COL4A2: variants seen among roughly 807,000 people sequenced by gnomAD.
The protein encoded by COL4A2 is collagen type IV alpha 2 chain.
In COL4A2, 99 loss-of-function variants were observed where a neutral mutation model predicts 200.2. That is an observed-to-expected ratio of 0.49 (90% CI 0.42 to 0.58). COL4A2 has a LOEUF of 0.58. Ranked by LOEUF, COL4A2 falls within the 20% of genes least tolerant of loss-of-function variation. The pLI is 0.00. For synonymous variants in COL4A2, 897 were observed against 900.6 expected, an observed-to-expected ratio of 1.00 and a Z score of 0.07; for missense variants, 1,950 against 2,314.1, an observed-to-expected ratio of 0.84 and a Z score of 3.23.
intron 4 of COL4A2, among the ~76,000 whole-genome samples, chr13:110,418,048 G>A (rs1880111662): frequency 6.6e-6 from 1 of 152,004 alleles, no homozygotes; most frequent in Non-Finnish European, 1.5e-5. Flanking sequence ...AGCTCTTGGC[G>A]TGGCCACCTT....
intron 3 of COL4A2, among the ~76,000 whole-genome samples, chr13:110,332,920 A>G (rs549517151): frequency 1.3e-5 from 2 of 152,320 alleles, no homozygotes; most frequent in South Asian, 4.1e-4. Flanking sequence ...CAGAAGCCCA[A>G]ATTCCCATGG....
intron 4 of COL4A2, among the ~76,000 whole-genome samples, chr13:110,402,339 A>T (rs1346593422): frequency 6.6e-6 from 1 of 152,218 alleles, no homozygotes; most frequent in African/African-American, 2.4e-5. Flanking sequence ...AAAGGGAGAA[A>T]CAGGAAAGAC....
At chr13:110,322,928 C>G (rs929779476) in intron 3 of COL4A2, among the ~76,000 whole-genome samples, 1 of 152,212 alleles carries the variant, frequency 6.6e-6, no homozygotes, top group African/African-American at 2.4e-5. Flanking sequence ...TGAGGCCGCC[C>G]GAGTCAGGTC....
chr13:110,383,612 T>C (rs1772504181), intron 4 of COL4A2, among the ~76,000 whole-genome samples: 1 of 133,518 alleles, frequency 7.5e-6, no homozygotes, highest in Non-Finnish European at 1.6e-5. Context: ...TTTTCTTTTT[T>C]TTTTTTTTTT....
intron 24 of COL4A2, among the ~76,000 whole-genome samples, chr13:110,464,425 C>T (rs1882151828): frequency 6.6e-6 from 1 of 152,204 alleles, no homozygotes; most frequent in Non-Finnish European, 1.5e-5. Context: ...ACTCGTGATC[C>T]TGCCTGTGCC....
At chr13:110,354,269 G>A (rs1352376540) in intron 3 of COL4A2, among the ~76,000 whole-genome samples, 1 of 152,268 alleles carries the variant, frequency 6.6e-6, no homozygotes, top group Admixed American at 6.5e-5. Flanking sequence ...TCTGCCAAGC[G>A]CCTGTTCATG....
chr13:110,397,783 TG>T, intron 4 of COL4A2, among the ~76,000 whole-genome samples: 1 of 152,290 alleles, frequency 6.6e-6, no homozygotes, highest in Non-Finnish European at 1.5e-5. Flanking sequence ...GCTCTGTGTT[TG>T]GGGGCTGTGA....
Position 110,472,760 on chromosome 13 carries a change from G to A in COL4A2, c.2204-169G>A, listed in dbSNP as rs76409790. On this transcript the variant is annotated intron_variant, in intron 28 of 47. Coordinates refer to ENST00000360467, the MANE Select transcript of COL4A2 (RefSeq NM_001846.4). ...AACATAACCAACAGAACGACATGGC[G>A]AAGGTTGTAGGTTCCAAAAAGGGCG... 5.4e-3 allele frequency among the ~76,000 whole-genome samples: 818 copies of A among 152,240 alleles called. 5 individuals are homozygous for A. Among genetic ancestry groups the A allele is most frequent in the African/African-American group, 0.016 (675 of 41,542 alleles).
intron 38 of COL4A2, among the ~76,000 whole-genome samples, chr13:110,492,595 C>G (rs1258364770): frequency 6.6e-6 from 1 of 152,236 alleles, no homozygotes; most frequent in East Asian, 1.9e-4. Flanking sequence ...GCCCATGTAA[C>G]AGAAGGAATT....
intron 21 of COL4A2, among the ~76,000 whole-genome samples, chr13:110,458,485 C>T (rs1265266131): frequency 1.3e-5 from 2 of 152,328 alleles, no homozygotes; most frequent in South Asian, 2.1e-4. Context: ...TCACACTCCC[C>T]GCAACTCAAC....
chr13:110,439,916 G>A (rs1881058056), intron 16 of COL4A2, 83 bp downstream of exon 16: 15 of 1,535,464 alleles, frequency 9.8e-6, no homozygotes, highest in East Asian at 9.6e-5. Flanking sequence ...GGCATCTCAG[G>A]AAAGAAAATT....
At chr13:110,331,378 A>C (rs964556732) in intron 3 of COL4A2, among the ~76,000 whole-genome samples, 4 of 152,222 alleles carry the variant, frequency 2.6e-5, no homozygotes, top group Admixed American at 1.3e-4. Context: ...TGTTGGAAAG[A>C]GGGGACGAAT....
chr13:110,462,333 C>T lies in COL4A2; in HGVS notation c.1725C>T (p.Gly575=), dbSNP rs780963953. ...PGVPGMKGDD[G]SPGRDGLDGF... ...TGCCCGGGATGAAAGGTGACGATGGCAGCCCAGGCCGCGATGGGCTCGATG... is the reference window on the plus strand; with the variant it reads ...TGCCCGGGATGAAAGGTGACGATGGTAGCCCAGGCCGCGATGGGCTCGATG... The change falls in exon 24 of 48, where the codon GGC becomes GGT. Residue 575 remains glycine (G), a synonymous_variant. Transcript: ENST00000360467. The T allele has an allele frequency of 3.7e-6, 6 of 1,614,116 alleles. No individual in the cohort carries two copies. In the Admixed American group the frequency reaches 1.0e-4, roughly 27 times the overall value.
intron 6 of COL4A2, 117 bp downstream of exon 6, chr13:110,425,114 CGTG>C: frequency 8.3e-7 from 1 of 1,209,728 alleles, no homozygotes; most frequent in Admixed American, 2.0e-5. Context: ...ACATAAAACA[CGTG>C]GGGACTATAC....
chr13:110,466,897 A>T, intron 26 of COL4A2, 143 bp from the exon 27 acceptor site: 2 of 1,004,156 alleles, frequency 2.0e-6, no homozygotes, highest in Non-Finnish European at 3.0e-6. Flanking sequence ...CAGAACCAAG[A>T]TGAATTAAAT....
chr13:110,425,750 ACACACG>A lies in COL4A2; in HGVS notation c.360+764_360+769del, dbSNP rs546206339. On this transcript the variant is annotated intron_variant, in intron 6 of 47. Coordinates refer to ENST00000360467, the MANE Select transcript of COL4A2 (RefSeq NM_001846.4). ...CTGCAGAGGCAGGTTCTGTATCACC[ACACACG>A]CACACGCACAGGGAGAGAGACTCCA... Among the ~76,000 whole-genome samples, 792 of 152,294 alleles carry A rather than the reference ACACACG, an allele frequency of 5.2e-3. 4 individuals carry two copies. The highest frequency in any genetic ancestry group is 8.7e-3 in the South Asian group (42 of 4,820).
chr13:110,458,746 A>T (rs1249810529), intron 21 of COL4A2, 25 bp from the exon 22 acceptor site: 1 of 1,613,456 alleles, frequency 6.2e-7, no homozygotes. Context: ...CGGAACAAGG[A>T]GGCCCTCCTC....
chr13:110,346,669 C>T lies in COL4A2; in HGVS notation c.100-10803C>T, dbSNP rs1401101383. ...TTGTCACCTGTGCTGCCCAGCTCAA[C>T]CCGGCCCCTTTGGTCGCTGTCCTGC... On this transcript the variant is annotated intron_variant, in intron 3 of 47. Transcript: ENST00000360467. Among the ~76,000 whole-genome samples the T allele has an allele frequency of 2.6e-5, 4 of 152,210 alleles. No homozygotes were observed. In the South Asian group the frequency reaches 8.3e-4, roughly 32 times the overall value.
chr13:110,417,557 A>G (rs1461766925), intron 4 of COL4A2, among the ~76,000 whole-genome samples: 1 of 152,218 alleles, frequency 6.6e-6, no homozygotes, highest in Non-Finnish European at 1.5e-5. Flanking sequence ...TAGAACCACC[A>G]GAATCATGCT....
Sources: allele counts gnomAD v4.1 joint callset (sites outside exome capture counted in the v4.1 genomes callset), GRCh38; gene constraint gnomAD v4.1.1; transcripts MANE v1.5; gene names NCBI Gene and HGNC (gene_info 2026-07-23, HGNC 2026-07-21).